Variants in HIGD1C observed in about 807,000 individuals in gnomAD.
The protein encoded by HIGD1C is HIG1 hypoxia inducible domain family member 1C, also known as HIG1 domain family member 1C.
HIGD1C carries 11 observed loss-of-function variants against 13.1 expected under a neutral mutation model. The observed-to-expected ratio is 0.84, with a 90% confidence interval of 0.53 to 1.39. The LOEUF is 1.39. Among genes scored for constraint, HIGD1C ranks in the 40% most tolerant of loss-of-function variants. The pLI, the probability that HIGD1C is intolerant of heterozygous loss-of-function variation, is 0.00. For synonymous variants in HIGD1C, 36 were observed against 37.7 expected, an observed-to-expected ratio of 0.95 and a Z score of 0.17; for missense variants, 110 against 112.0, an observed-to-expected ratio of 0.98 and a Z score of 0.08.
chr12:50,937,659 G>A, the HIGD1C span, among the ~76,000 whole-genome samples: 1 of 152,168 alleles, frequency 6.6e-6, no homozygotes, highest in Non-Finnish European at 1.5e-5. Context: ...GAACAATGAG[G>A]TACATAGACA....
At chr12:50,964,062 C>T (rs564143339) in intron 2 of HIGD1C, among the ~76,000 whole-genome samples, 1 of 152,278 alleles carries the variant, frequency 6.6e-6, no homozygotes, top group South Asian at 2.1e-4. Context: ...CCTTTGATAT[C>T]CTATGACTTA....
At chr12:50,940,841 T>A in the HIGD1C span, among the ~76,000 whole-genome samples, 1 of 151,802 alleles carries the variant, frequency 6.6e-6, no homozygotes, top group South Asian at 2.1e-4. Context: ...TTTGCCCCAA[T>A]TTTTCTTTTC....
upstream of HIGD1C, chr12:50,949,288 C>T (rs114050324): frequency 3.8e-3 from 591 of 154,050 alleles, 8 homozygotes; most frequent in African/African-American, 0.013. Context: ...AGGAAATTTG[C>T]CTTGCCTTTG....
chr12:50,968,016 G>A (rs1182876277), intron 2 of HIGD1C, among the ~76,000 whole-genome samples: 2 of 152,162 alleles, frequency 1.3e-5, no homozygotes, highest in Non-Finnish European at 2.9e-5. Context: ...GAGCCCAGGA[G>A]GTCGAGGCTG....
At chr12:50,935,109 A>G in the HIGD1C span, 10 of 152,238 alleles carry the variant, frequency 6.6e-5, no homozygotes, top group Admixed American at 2.6e-4. Context: ...TTTAGAAAAC[A>G]CAGAACTTAA....
At chr12:50,968,259 C>T (rs181913760) in intron 2 of HIGD1C, among the ~76,000 whole-genome samples, 14 of 152,244 alleles carry the variant, frequency 9.2e-5, no homozygotes, top group African/African-American at 3.4e-4. Flanking sequence ...AGTAAGGCAG[C>T]AGTTGGGAAG....
intron 2 of HIGD1C, among the ~76,000 whole-genome samples, chr12:50,963,080 G>C (rs1939400440): frequency 6.6e-6 from 1 of 151,874 alleles, no homozygotes; most frequent in South Asian, 2.1e-4. Context: ...AGAAAAGAAA[G>C]GAAAGTAGGC....
intron 2 of HIGD1C, among the ~76,000 whole-genome samples, chr12:50,968,797 C>T (rs1413830624): frequency 1.3e-5 from 2 of 151,846 alleles, no homozygotes; most frequent in African/African-American, 2.4e-5. Context: ...CCGCCTTGGC[C>T]TCCCAAAGTG....
chr12:50,954,743 T>C (rs1023060008), intron 1 of HIGD1C, among the ~76,000 whole-genome samples: 3 of 151,914 alleles, frequency 2.0e-5, no homozygotes, highest in Non-Finnish European at 4.4e-5. Context: ...AACAAACAAA[T>C]AAACAAAAAA....
chr12:50,955,837 A>G (rs998310371), intron 1 of HIGD1C, among the ~76,000 whole-genome samples: 2 of 152,244 alleles, frequency 1.3e-5, no homozygotes, highest in Non-Finnish European at 2.9e-5. Flanking sequence ...ATTAATTAAT[A>G]AACAGAGACA....
intron 1 of HIGD1C, 106 bp from the exon 4 acceptor site, chr12:50,960,862 T>G: frequency 1.0e-6 from 1 of 954,710 alleles, no homozygotes; most frequent in South Asian, 2.1e-5. Context: ...TTTTTTTTTT[T>G]AGAGATGGGG....
intron 2 of HIGD1C, among the ~76,000 whole-genome samples, chr12:50,968,102 A>AAGGAGGAGGAGGAGG (rs35382142): frequency 1.4e-5 from 2 of 147,240 alleles, no homozygotes; most frequent in Non-Finnish European, 3.0e-5. Flanking sequence ...TAAGAAGAAG[A>AAGGAGGAGGAGGAGG]AGGAGGAGGA....
At chr12:50,940,172 G>A in the HIGD1C span, 1 of 152,136 alleles carries the variant, frequency 6.6e-6, no homozygotes, top group South Asian at 2.1e-4. Context: ...TGCTTCAATT[G>A]CTACAAAAAA....
the HIGD1C span, among the ~76,000 whole-genome samples, chr12:50,934,164 C>T: frequency 2.6e-5 from 4 of 152,302 alleles, no homozygotes; most frequent in East Asian, 1.9e-4. Context: ...TGGATTTCAC[C>T]GGATTTGGAT....
chr12:50,962,411 A>T (rs988750250), intron 2 of HIGD1C, among the ~76,000 whole-genome samples: 1 of 150,090 alleles, frequency 6.7e-6, no homozygotes, highest in Admixed American at 6.6e-5. Flanking sequence ...AACTCCATCT[A>T]AAAAAAAGCC....
chr12:50,931,924 G>A, the HIGD1C span: 2 of 152,042 alleles, frequency 1.3e-5, no homozygotes, highest in Non-Finnish European at 2.9e-5. Flanking sequence ...TAGCGTCACT[G>A]GTCTGGCTTT....
the HIGD1C span, chr12:50,931,858 C>T: frequency 1.3e-5 from 2 of 152,058 alleles, no homozygotes; most frequent in Non-Finnish European, 2.9e-5. Flanking sequence ...AGACAGTGCA[C>T]CTGGCCGAAA....
rs35764288 is a variant in HIGD1C, at chr12:50,963,369, CAAAAAAAA to C, written c.229+2284_229+2291del. ...TGGGTGAAAGGGCAAGACTCCATCT[CAAAAAAAA>C]AAAAAAAAAAAAAAAAGAAAAGAAA... On this transcript the variant is annotated intron_variant, in intron 2 of 2. Coordinates refer to ENST00000398455, the Ensembl canonical transcript of HIGD1C. Among the ~76,000 whole-genome samples, 5 of 72,400 alleles carry C rather than the reference CAAAAAAAA, an allele frequency of 6.9e-5. No individual in the cohort carries two copies. The South Asian group carries it at 1.9e-3, about 28-fold the overall frequency. 47.5% of individuals were successfully genotyped at this position (72,400 alleles called of 152,430 possible). A position where few individuals can be genotyped will look rare whatever the true frequency, so the allele number is the denominator to read the frequency against.
At chr12:50,963,692 C>T (rs139770968) in intron 2 of HIGD1C, among the ~76,000 whole-genome samples, 1 of 152,230 alleles carries the variant, frequency 6.6e-6, no homozygotes, top group African/African-American at 2.4e-5. Flanking sequence ...AAAACTGTAC[C>T]GCAACAGTGT....
Sources: allele counts gnomAD v4.1 joint callset (sites outside exome capture counted in the v4.1 genomes callset), GRCh38; gene constraint gnomAD v4.1.1; transcripts MANE v1.5; gene names NCBI Gene and HGNC (gene_info 2026-07-23, HGNC 2026-07-21).